The following CFAP299 variants were observed in gnomAD, a reference collection of about 807,000 sequenced individuals.
CFAP299 encodes the protein cilia and flagella associated protein 299.
CFAP299 carries 21 observed loss-of-function variants against 27.0 expected under a neutral mutation model. The observed-to-expected ratio is 0.78, with a 90% CI of 0.55 to 1.12. The LOEUF is 1.12. Ranked by LOEUF, CFAP299 falls within the 50% of genes most tolerant of loss-of-function variation. The pLI is 0.00. For synonymous variants in CFAP299, 104 were observed against 98.1 expected (o/e 1.06, Z -0.36); for missense variants, 310 against 276.6 (o/e 1.12, Z -0.86).
intron 3 of CFAP299, among the ~76,000 whole-genome samples, chr4:80,650,186 T>C (rs2109968522): frequency 6.6e-6 from 1 of 152,208 alleles, no homozygotes; most frequent in African/African-American, 2.4e-5. Flanking sequence ...AACATCCATA[T>C]ATTGGAAATT....
intron 2 of CFAP299, among the ~76,000 whole-genome samples, chr4:80,556,134 C>T (rs192734471): frequency 6.6e-6 from 1 of 152,014 alleles, no homozygotes; most frequent in African/African-American, 2.4e-5. Flanking sequence ...ATTGGGTTAG[C>T]AATCTTTATG....
Position 80,387,355 on chromosome 4 carries a change from G to T in CFAP299, c.242+24471G>T, listed in dbSNP as rs928648972. ...TGACCACACATTTGTACACCTGCTCGTTCTTATGCTGGGTCATGTGAGACT... is the reference window on the plus strand; with the variant it reads ...TGACCACACATTTGTACACCTGCTCTTTCTTATGCTGGGTCATGTGAGACT... On this transcript the variant is annotated intron_variant, in intron 2 of 5. Coordinates refer to ENST00000358105, the MANE Select transcript of CFAP299 (RefSeq NM_152770.3). 24 of 1,407,320 alleles carry T rather than the reference G, an allele frequency of 1.7e-5. No individual in the cohort carries two copies. The African/African-American group carries it at 3.2e-4, about 19-fold the overall frequency. 87.2% of individuals were successfully genotyped at this position (1,407,320 alleles called of 1,614,324 possible). A position where few individuals can be genotyped will look rare whatever the true frequency, so the allele number is the denominator to read the frequency against.
intron 2 of CFAP299, among the ~76,000 whole-genome samples, chr4:80,431,327 TTTTCCTTCCTTC>T (rs1426681935): frequency 6.6e-6 from 1 of 151,672 alleles, no homozygotes; most frequent in Non-Finnish European, 1.5e-5. Flanking sequence ...CTCTCTGTTC[TTTTCCTTCCTTC>T]TTTCCTTCCT....
At chr4:80,677,252 T>G (rs914221606) in intron 3 of CFAP299, among the ~76,000 whole-genome samples, 3 of 152,046 alleles carry the variant, frequency 2.0e-5, no homozygotes, top group African/African-American at 7.2e-5. Context: ...TGTTTGTGTA[T>G]TTTCCAAAGT....
intron 4 of CFAP299, chr4:80,871,875 CTAATT>C (rs1447244769): frequency 6.4e-6 from 1 of 156,014 alleles, no homozygotes; most frequent in Non-Finnish European, 1.4e-5. Flanking sequence ...AATTGACTGT[CTAATT>C]TATTTTTTAT....
chr4:80,648,650 G>A (rs1188456787), intron 3 of CFAP299, among the ~76,000 whole-genome samples: 1 of 152,034 alleles, frequency 6.6e-6, no homozygotes, highest in Non-Finnish European at 1.5e-5. Context: ...ACTACTCAAA[G>A]AAAATTGAGA....
At chr4:80,496,524 G>T (rs772688027) in intron 2 of CFAP299, among the ~76,000 whole-genome samples, 13 of 152,092 alleles carry the variant, frequency 8.5e-5, no homozygotes, top group Non-Finnish European at 1.8e-4. Flanking sequence ...CAGCATTTTG[G>T]TCATAACCAT....
chr4:80,626,611 CT>C (rs1738923031), intron 3 of CFAP299, among the ~76,000 whole-genome samples: 1 of 151,460 alleles, frequency 6.6e-6, no homozygotes, highest in South Asian at 2.1e-4. Flanking sequence ...CAAAATAAAA[CT>C]TTAGCTTCAC....
intron 3 of CFAP299, among the ~76,000 whole-genome samples, chr4:80,664,371 G>T (rs1452209007): frequency 1.3e-5 from 2 of 152,004 alleles, no homozygotes; most frequent in Non-Finnish European, 1.5e-5. Flanking sequence ...CTCTCTCTCA[G>T]GGAGAGAGGA....
chr4:80,864,456 A>ATGT (rs1383782212), intron 3 of CFAP299, among the ~76,000 whole-genome samples: 17 of 145,156 alleles, frequency 1.2e-4, no homozygotes, highest in South Asian at 1.1e-3. Flanking sequence ...ATACCTATAT[A>ATGT]AGTATATATA....
chr4:80,527,968 C>T (rs1424051386), intron 2 of CFAP299, among the ~76,000 whole-genome samples: 6 of 152,132 alleles, frequency 3.9e-5, no homozygotes, highest in Non-Finnish European at 8.8e-5. Flanking sequence ...GTAGATATCA[C>T]CCCAACTTTT....
chr4:80,599,750 C>T (rs76715929), intron 3 of CFAP299, among the ~76,000 whole-genome samples: 5,653 of 152,036 alleles, frequency 0.037, 345 homozygotes, highest in African/African-American at 0.13. Context: ...CTGTTACACC[C>T]ACAGGGAATC....
intron 2 of CFAP299, among the ~76,000 whole-genome samples, chr4:80,436,680 A>G (rs1264553330): frequency 6.6e-6 from 1 of 152,174 alleles, no homozygotes; most frequent in Non-Finnish European, 1.5e-5. Flanking sequence ...AACATAGGTA[A>G]GGTATTAAGC....
Position 80,773,997 on chromosome 4 carries a change from TTTAA to T in CFAP299, c.334-95991_334-95988del, listed in dbSNP as rs551771002. Among the ~76,000 whole-genome samples, 358 of 152,088 alleles carry T rather than the reference TTTAA, an allele frequency of 2.4e-3. 2 individuals carry two copies. Among genetic ancestry groups the T allele is most frequent in the Non-Finnish European group, 4.0e-3 (274 of 67,896 alleles). On this transcript the variant is annotated intron_variant, in intron 3 of 5. Coordinates refer to ENST00000358105, the MANE Select transcript of CFAP299 (RefSeq NM_152770.3). ...ATGTAGTTGAAAATGTTTGAAATAATTTAATTAAGTTTAAAATGGTAGAACTTGT... is the reference window on the plus strand; with the variant it reads ...ATGTAGTTGAAAATGTTTGAAATAATTTAAGTTTAAAATGGTAGAACTTGT...
chr4:80,883,533 C>T (rs1477455074), intron 4 of CFAP299, among the ~76,000 whole-genome samples: 2 of 151,922 alleles, frequency 1.3e-5, no homozygotes, highest in Non-Finnish European at 2.9e-5. Flanking sequence ...TGCCTACAAA[C>T]GACTCAGTTT....
At chr4:80,534,296 T>A (rs1225299498) in intron 2 of CFAP299, among the ~76,000 whole-genome samples, 1 of 148,202 alleles carries the variant, frequency 6.7e-6, no homozygotes, top group Non-Finnish European at 1.5e-5. Context: ...ACAAATGTAA[T>A]GAACAGAACT....
At chr4:80,398,856 A>C (rs1248778049) in intron 2 of CFAP299, among the ~76,000 whole-genome samples, 1 of 152,228 alleles carries the variant, frequency 6.6e-6, no homozygotes, top group Admixed American at 6.5e-5. Flanking sequence ...TAATGAAACG[A>C]AAGAGCTTCT....
intron 4 of CFAP299, among the ~76,000 whole-genome samples, chr4:80,929,520 T>C (rs1171413497): frequency 2.6e-5 from 4 of 152,184 alleles, no homozygotes; most frequent in Admixed American, 2.0e-4. Flanking sequence ...CTAAGGGTCA[T>C]CTGCAACACT....
chr4:80,565,315 G>A (rs1197726045), intron 2 of CFAP299, among the ~76,000 whole-genome samples: 2 of 152,028 alleles, frequency 1.3e-5, no homozygotes, highest in African/African-American at 4.8e-5. Flanking sequence ...GGAGTGAAAT[G>A]TCTGTTACTA....
Sources: allele counts gnomAD v4.1 joint callset (sites outside exome capture counted in the v4.1 genomes callset), GRCh38; gene constraint gnomAD v4.1.1; transcripts MANE v1.5; gene names NCBI Gene and HGNC (gene_info 2026-07-23, HGNC 2026-07-21).